The following RYR3 variants were observed in gnomAD, a reference collection of about 807,000 sequenced individuals.
The protein encoded by RYR3 is brain ryanodine receptor-calcium release channel.
In RYR3, 207 loss-of-function variants were observed where a neutral mutation model predicts 584.3. The ratio of observed to expected loss-of-function variants is 0.35; its 90% CI spans 0.32 to 0.40. The LOEUF is 0.40. Ranked by LOEUF, RYR3 falls within the 10% of genes least tolerant of loss-of-function variation. The pLI, the probability that RYR3 is intolerant of heterozygous loss-of-function variation, is 1.00. For missense variants in RYR3, 5,616 were observed against 6,089.2 expected (o/e 0.92, Z 2.59); for synonymous variants, 2,416 against 2,248.5 (o/e 1.07, Z -2.11).
chr15:33,424,034 G>C (rs1422128374), intron 1 of RYR3, among the ~76,000 whole-genome samples: 1 of 152,148 alleles, frequency 6.6e-6, no homozygotes, highest in East Asian at 1.9e-4. Context: ...GATGTCCCTA[G>C]TCTCTGGGCT....
chr15:33,444,870 C>T (rs575137371), intron 1 of RYR3, among the ~76,000 whole-genome samples: 8 of 151,322 alleles, frequency 5.3e-5, no homozygotes, highest in East Asian at 2.0e-4. Context: ...CTAACCTGCA[C>T]GTTGTGCACA....
At chr15:33,647,988 C>G (rs1486906882) in intron 30 of RYR3, among the ~76,000 whole-genome samples, 3 of 98,326 alleles carry the variant, frequency 3.1e-5, no homozygotes, top group Non-Finnish European at 6.0e-5. Flanking sequence ...TAGCATCTGG[C>G]AAAAAAAAAA....
At chr15:33,407,645 T>G (rs906780672) in intron 1 of RYR3, among the ~76,000 whole-genome samples, 3 of 152,176 alleles carry the variant, frequency 2.0e-5, no homozygotes, top group African/African-American at 7.2e-5. Context: ...ATAGCTTTGA[T>G]TTTGTGTCAT....
chr15:33,521,301 T>C (rs897273156), intron 3 of RYR3, among the ~76,000 whole-genome samples: 6 of 152,214 alleles, frequency 3.9e-5, no homozygotes, highest in Admixed American at 1.3e-4. Context: ...ATGATGCCTG[T>C]GACTGAGAAT....
intron 1 of RYR3, among the ~76,000 whole-genome samples, chr15:33,327,887 C>T (rs1969917544): frequency 6.6e-6 from 1 of 152,152 alleles, no homozygotes; most frequent in Non-Finnish European, 1.5e-5. Context: ...TACTTCAGAT[C>T]CCCCCAAGTG....
intron 23 of RYR3, among the ~76,000 whole-genome samples, chr15:33,632,052 A>G (rs980554415): frequency 1.1e-4 from 17 of 152,264 alleles, no homozygotes; most frequent in African/African-American, 3.9e-4. Flanking sequence ...GTCAGGACAC[A>G]ACAGTCAGTG....
At chr15:33,420,043 A>T (rs2044125235) in intron 1 of RYR3, among the ~76,000 whole-genome samples, 1 of 152,226 alleles carries the variant, frequency 6.6e-6, no homozygotes, top group Non-Finnish European at 1.5e-5. Flanking sequence ...TTAAAAACTA[A>T]GACTGTTATG....
intron 60 of RYR3, among the ~76,000 whole-genome samples, chr15:33,764,226 A>G (rs1452240634): frequency 2.0e-5 from 3 of 152,208 alleles, no homozygotes; most frequent in Non-Finnish European, 2.9e-5. Context: ...GCACATATAT[A>G]CCATGGAATC....
At chr15:33,588,487 G>A (rs912514473) in intron 16 of RYR3, among the ~76,000 whole-genome samples, 1 of 152,048 alleles carries the variant, frequency 6.6e-6, no homozygotes, top group African/African-American at 2.4e-5. Context: ...AAAATAAGGG[G>A]TACAAGTGCA....
chr15:33,604,911 T>C (rs928475113), intron 18 of RYR3, among the ~76,000 whole-genome samples: 2 of 152,220 alleles, frequency 1.3e-5, no homozygotes, highest in African/African-American at 2.4e-5. Context: ...GGATTAAGTC[T>C]GTGAAGGAAT....
intron 27 of RYR3, 47 bp downstream of exon 27, chr15:33,636,597 A>G (rs749611049): frequency 6.6e-7 from 1 of 1,506,980 alleles, no homozygotes; most frequent in Admixed American, 2.1e-5. Context: ...AGGCTGGAGG[A>G]AAATATAGGG....
At chr15:33,596,055 T>C (rs2059354647) in intron 16 of RYR3, among the ~76,000 whole-genome samples, 1 of 145,872 alleles carries the variant, frequency 6.9e-6, no homozygotes, top group Non-Finnish European at 1.5e-5. Flanking sequence ...TAAAATTATT[T>C]CTCTTTAAGT....
intron 3 of RYR3, among the ~76,000 whole-genome samples, chr15:33,522,548 T>A (rs1043944447): frequency 6.6e-6 from 1 of 152,306 alleles, no homozygotes; most frequent in Non-Finnish European, 1.5e-5. Context: ...GAACGATACC[T>A]TATGCTGTAT....
chr15:33,746,192 A>G (rs1220559985), intron 53 of RYR3, 35 bp downstream of exon 53: 1 of 1,408,610 alleles, frequency 7.1e-7, no homozygotes, highest in African/African-American at 1.4e-5. Context: ...CTGTGTGACC[A>G]TGCTGTTTCC....
intron 48 of RYR3, among the ~76,000 whole-genome samples, chr15:33,733,244 G>T (rs2069116409): frequency 6.6e-6 from 1 of 152,138 alleles, no homozygotes; most frequent in African/African-American, 2.4e-5. Context: ...CTTACTCCTT[G>T]GTTTTTTTAC....
chr15:33,848,764 C>G (rs944816805), intron 94 of RYR3, among the ~76,000 whole-genome samples: 7 of 150,648 alleles, frequency 4.6e-5, no homozygotes, highest in Non-Finnish European at 8.8e-5. Flanking sequence ...AGTTGATCAG[C>G]TTCAGCTTTT....
At chr15:33,865,054 ACAAAG>A in intron 103 of RYR3, 72 bp from the exon 104 acceptor site, 1 of 1,125,722 alleles carries the variant, frequency 8.9e-7, no homozygotes. Context: ...AAAGGGAGCC[ACAAAG>A]AACAAAAACA....
chr15:33,450,416 G>T (rs1436742445), intron 1 of RYR3, among the ~76,000 whole-genome samples: 1 of 152,102 alleles, frequency 6.6e-6, no homozygotes, highest in Non-Finnish European at 1.5e-5. Flanking sequence ...CTGTAGCTTT[G>T]CAAGCAGCAA....
chr15:33,603,018 T>A (rs987578922), intron 17 of RYR3, 105 bp from the exon 18 acceptor site: 1 of 1,198,748 alleles, frequency 8.3e-7, no homozygotes, highest in Non-Finnish European at 1.2e-6. Context: ...ACAGCATTGC[T>A]CTTGTCCTAC....
Sources: gnomAD v4.1 joint callset for allele counts (sites outside exome capture counted in the v4.1 genomes callset) on GRCh38, gnomAD v4.1.1 for gene constraint, MANE v1.5 for transcripts, NCBI Gene and HGNC (gene_info 2026-07-23, HGNC 2026-07-21) for gene names.